Variants in MORN1 observed in about 807,000 individuals in gnomAD.
The protein encoded by MORN1 is MORN repeat containing 1.
MORN1 carries 67 observed loss-of-function variants against 61.9 expected under a neutral mutation model. The ratio of observed to expected loss-of-function variants is 1.08; its 90% CI spans 0.89 to 1.33. MORN1 has a LOEUF of 1.33. MORN1 is among the 40% of genes most tolerant of loss of function. The pLI, the probability that MORN1 is intolerant of heterozygous loss-of-function variation, is 0.00. For missense variants in MORN1, 752 were observed against 691.2 expected, an observed-to-expected ratio of 1.09 and a Z score of -0.99; for synonymous variants, 301 against 292.0, an observed-to-expected ratio of 1.03 and a Z score of -0.31.
At chr1:2,322,483 C>A in intron 13 of MORN1, 1 of 985,340 alleles carries the variant, frequency 1.0e-6, no homozygotes. Context: ...GCCGCCTGTG[C>A]GTTCCCAGGG....
intron 9 of MORN1, 137 bp downstream of exon 9, chr1:2,358,455 A>AACAG: frequency 8.4e-7 from 1 of 1,190,622 alleles, no homozygotes; most frequent in South Asian, 1.4e-5. Flanking sequence ...GTTTCCTTAG[A>AACAG]ACAGACATCG....
intron 8 of MORN1, among the ~76,000 whole-genome samples, chr1:2,367,835 G>A (rs1226239240): frequency 6.6e-6 from 1 of 152,086 alleles, no homozygotes; most frequent in Non-Finnish European, 1.5e-5. Context: ...TGCCACGTTG[G>A]CCAGGCTGGT....
intron 13 of MORN1, 84 bp downstream of exon 13, chr1:2,324,013 A>G (rs939646691): frequency 4.8e-5 from 70 of 1,472,308 alleles, no homozygotes; most frequent in Non-Finnish European, 3.6e-5. Flanking sequence ...GAGTTCCCCC[A>G]ACCCCACCTC....
chr1:2,362,579 G>A (rs990306575), intron 8 of MORN1, among the ~76,000 whole-genome samples: 1 of 152,188 alleles, frequency 6.6e-6, no homozygotes, highest in African/African-American at 2.4e-5. Context: ...CATGGGAGAG[G>A]CTGTGCCAGA....
intron 10 of MORN1, among the ~76,000 whole-genome samples, chr1:2,344,933 G>A (rs1199522095): frequency 1.3e-5 from 2 of 152,190 alleles, no homozygotes; most frequent in Admixed American, 6.5e-5. Flanking sequence ...CAGCCCCCGC[G>A]AGGGTCCACG....
At chr1:2,359,882 C>CA (rs59233224) in intron 8 of MORN1, among the ~76,000 whole-genome samples, 38,895 of 136,328 alleles carry the variant, frequency 0.29, 6,175 homozygotes, top group African/African-American at 0.46. Context: ...GACTCCGTCT[C>CA]AAAAAAAAAA....
chr1:2,360,416 T>C (rs753367028), intron 8 of MORN1, among the ~76,000 whole-genome samples: 2 of 152,130 alleles, frequency 1.3e-5, no homozygotes, highest in Non-Finnish European at 2.9e-5. Flanking sequence ...GGACAGATCC[T>C]TGAAAGAAGG....
rs1640878672 is a variant in MORN1, at chr1:2,321,460, GGACATGGGGT to G, written c.1407_1416del (p.Pro470TrpfsTer37). 1.3e-6 allele frequency: 2 copies of G among 1,539,470 alleles called. No individual in the cohort carries two copies. Among genetic ancestry groups the G allele is most frequent in the Middle Eastern group, 1.7e-4 (1 of 5,900 alleles). On this transcript the variant is annotated frameshift_variant, in exon 14 of 14. Coordinates refer to ENST00000378531, the MANE Select transcript of MORN1 (RefSeq NM_024848.3). LOFTEE classifies it low-confidence loss of function (END_TRUNC). ...CTTGAGGCTTCAGGGCCTTCTTCCA[GGACATGGGGT>G]GGCTGGCCAGCCCTCTTCGCTACGA...
intron 10 of MORN1, chr1:2,355,408 T>C: frequency 6.5e-7 from 1 of 1,549,940 alleles, no homozygotes. Context: ...CGCTTGCTGG[T>C]CCTCTCACAG....
At chr1:2,332,385 A>G (rs896465933) in intron 12 of MORN1, 15 of 346,902 alleles carry the variant, frequency 4.3e-5, no homozygotes, top group Non-Finnish European at 8.0e-5. Context: ...CACGGACTCC[A>G]GCATCGGAAG....
rs1294170926 is a variant in MORN1, at chr1:2,383,741, G to A, written c.537+1237C>T. ...CAGGGGGCCCCTCACAGCCCTTGCA[G>A]TCATGGTCATCTTCGTGGCTGCGAC... On this transcript the variant is annotated intron_variant, in intron 6 of 13. Transcript: ENST00000378531. 2.6e-5 allele frequency among the ~76,000 whole-genome samples: 4 copies of A among 152,220 alleles called. No homozygotes were observed. In the East Asian group the frequency reaches 7.7e-4, roughly 29 times the overall value.
At chr1:2,351,625 G>T in intron 10 of MORN1, 2 of 297,992 alleles carry the variant, frequency 6.7e-6, no homozygotes, top group South Asian at 3.3e-5. Context: ...TGAGTGTGGC[G>T]CCCCCAGCAA....
At chr1:2,324,017 C>A in intron 13 of MORN1, 80 bp downstream of exon 13, 3 of 1,498,834 alleles carry the variant, frequency 2.0e-6, no homozygotes, top group Non-Finnish European at 2.7e-6. Flanking sequence ...TCCCCCAACC[C>A]CACCTCCAGC....
chr1:2,355,285 C>T (rs968478311), intron 10 of MORN1: 33 of 1,444,394 alleles, frequency 2.3e-5, no homozygotes, highest in South Asian at 1.2e-4. Flanking sequence ...CCGGGCCCCC[C>T]GTGGGCCTGT....
In MORN1 at chr1:2,372,252, C is replaced by A; in HGVS notation, c.745+229G>T. On this transcript the variant is annotated intron_variant, in intron 8 of 13. Transcript: ENST00000378531. The surrounding 1 kb of genome is among the most constrained non-coding windows in gnomAD (Gnocchi z 5.4). Reference sequence around the variant, plus strand: ...ACACATATGCACACACATACAGGAGCACGCACATCACACAATATGTGCACA... The same window carrying A: ...ACACATATGCACACACATACAGGAGAACGCACATCACACAATATGTGCACA... The A allele has an allele frequency of 3.9e-6, 2 of 512,862 alleles. No homozygotes were observed. The highest frequency in any genetic ancestry group is 5.0e-4 in the Middle Eastern group (1 of 2,006). The allele number at this position is 512,862 out of a possible 1,614,324, so 31.8% of individuals were successfully genotyped here.
chr1:2,341,284 G>A (rs1017548462), intron 10 of MORN1, among the ~76,000 whole-genome samples: 1 of 152,160 alleles, frequency 6.6e-6, no homozygotes, highest in Admixed American at 6.5e-5. Flanking sequence ...GTGCCTGGCC[G>A]AGCCAACTTG....
intron 1 of MORN1, chr1:2,390,578 T>C: frequency 3.0e-6 from 3 of 985,210 alleles, no homozygotes; most frequent in Non-Finnish European, 3.6e-6. Flanking sequence ...CTCAGGCACA[T>C]TTTGTGGGCA....
intron 1 of MORN1, 127 bp downstream of exon 1, chr1:2,391,331 G>T: frequency 8.9e-7 from 1 of 1,125,574 alleles, no homozygotes; most frequent in Admixed American, 4.3e-5. Flanking sequence ...GGCGGCCCTG[G>T]CTCCGCCGCG....
intron 10 of MORN1, among the ~76,000 whole-genome samples, chr1:2,339,803 C>T (rs917572521): frequency 3.9e-5 from 6 of 152,166 alleles, no homozygotes; most frequent in Admixed American, 6.5e-5. Context: ...AGCCTGGCCC[C>T]GGCCTGATGC....
Sources: allele counts gnomAD v4.1 joint callset (sites outside exome capture counted in the v4.1 genomes callset), GRCh38; gene constraint gnomAD v4.1.1; non-coding constraint Gnocchi (gnomAD v3.1); transcripts MANE v1.5; gene names NCBI Gene and HGNC (gene_info 2026-07-23, HGNC 2026-07-21).